The following COL21A1 variants were observed in gnomAD, a reference collection of about 807,000 sequenced individuals.
The protein encoded by COL21A1 is collagen type XXI alpha 1 chain, also known as collagen alpha-1(XXI) chain.
In COL21A1, 149 loss-of-function variants were observed where a neutral mutation model predicts 137.9. That is an observed-to-expected ratio of 1.08 (90% CI 0.95 to 1.24). COL21A1 has a LOEUF of 1.24. Among genes scored for constraint, COL21A1 ranks in the 50% most tolerant of loss-of-function variants. The pLI, the probability that COL21A1 is intolerant of heterozygous loss-of-function variation, is 0.00. For missense variants in COL21A1, 1,167 were observed against 1,158.4 expected (o/e 1.01, Z -0.11); for synonymous variants, 456 against 391.5 (o/e 1.16, Z -1.95).
intron 17 of COL21A1, among the ~76,000 whole-genome samples, chr6:56,096,703 T>C (rs1455938756): frequency 6.6e-6 from 1 of 152,158 alleles, no homozygotes; most frequent in Non-Finnish European, 1.5e-5. Flanking sequence ...TGAATCACCA[T>C]TAAACTGACA....
intron 22 of COL21A1, 29 bp from the exon 23 acceptor site, chr6:56,067,359 T>C: frequency 6.3e-7 from 1 of 1,581,302 alleles, no homozygotes; most frequent in Non-Finnish European, 8.7e-7. Flanking sequence ...ATCTGTATCA[T>C]AATCTAGCAT....
intron 1 of COL21A1, among the ~76,000 whole-genome samples, chr6:56,393,017 C>T (rs1475701732): frequency 7.3e-6 from 1 of 136,068 alleles, no homozygotes; most frequent in African/African-American, 2.8e-5. Flanking sequence ...TATGACACCA[C>T]AAAAGACCCA....
At chr6:56,342,625 A>G (rs1486689540) in intron 1 of COL21A1, among the ~76,000 whole-genome samples, 2 of 152,176 alleles carry the variant, frequency 1.3e-5, no homozygotes, top group Non-Finnish European at 2.9e-5. Flanking sequence ...CATTTTTCAG[A>G]TGAGAAACAC....
chr6:56,294,575 C>T lies in COL21A1; in HGVS notation c.-39+99396G>A, dbSNP rs574532188. 3.9e-5 allele frequency among the ~76,000 whole-genome samples: 6 copies of T among 152,116 alleles called. No homozygotes were observed. In the South Asian group the frequency reaches 8.3e-4, roughly 21 times the overall value. ...TGTTACAACTGATGCACTACTGATA[C>T]GGCAATACTAACGATAGCCCATAAT... is the stretch of plus-strand genomic sequence containing the variant. On this transcript the variant is annotated intron_variant, in intron 1 of 28. Transcript: ENST00000370819.
chr6:56,216,396 A>G (rs1344570233), intron 1 of COL21A1, among the ~76,000 whole-genome samples: 1 of 152,088 alleles, frequency 6.6e-6, no homozygotes, highest in African/African-American at 2.4e-5. Flanking sequence ...ACAACCAAAT[A>G]TACAAACAGC....
chr6:56,124,812 T>C (rs1772882281), intron 14 of COL21A1, among the ~76,000 whole-genome samples: 1 of 151,428 alleles, frequency 6.6e-6, no homozygotes, highest in Non-Finnish European at 1.5e-5. Flanking sequence ...TGGCTAATTT[T>C]GTTTTTGTAT....
At chr6:56,261,184 T>G (rs1763264511) in intron 1 of COL21A1, among the ~76,000 whole-genome samples, 1 of 152,060 alleles carries the variant, frequency 6.6e-6, no homozygotes. Context: ...TCTGCTTTGG[T>G]CATCCTGGCA....
At chr6:56,216,759 C>A (rs748337246) in intron 1 of COL21A1, among the ~76,000 whole-genome samples, 1 of 152,060 alleles carries the variant, frequency 6.6e-6, no homozygotes, top group Non-Finnish European at 1.5e-5. Context: ...GCCAAAACTT[C>A]TTAACACATG....
chr6:56,316,625 G>C (rs1188493189), intron 1 of COL21A1, among the ~76,000 whole-genome samples: 1 of 151,424 alleles, frequency 6.6e-6, no homozygotes, highest in African/African-American at 2.4e-5. Context: ...GGGAGTACAG[G>C]CATGTGCCAC....
intron 1 of COL21A1, among the ~76,000 whole-genome samples, chr6:56,195,842 A>G (rs916384693): frequency 3.3e-5 from 5 of 152,096 alleles, no homozygotes; most frequent in African/African-American, 9.7e-5. Flanking sequence ...CTCTTCCAAA[A>G]AATTAAAGAA....
At chr6:56,265,762 G>A (rs1763377123) in intron 1 of COL21A1, among the ~76,000 whole-genome samples, 1 of 151,950 alleles carries the variant, frequency 6.6e-6, no homozygotes, top group South Asian at 2.1e-4. Flanking sequence ...TTTGGGGGAG[G>A]ATTTAACACT....
chr6:56,340,790 T>C lies in COL21A1; in HGVS notation c.-39+53181A>G, dbSNP rs138766136. ...ATTAGTTAATATCCACAAGTGATTT[T>C]AGATTGGGTTGGATTCCAGTCTAAA... On this transcript the variant is annotated intron_variant, in intron 1 of 28. Transcript: ENST00000370819. 1.8e-3 allele frequency among the ~76,000 whole-genome samples: 277 copies of C among 152,376 alleles called. 3 individuals are homozygous for C. Among genetic ancestry groups the C allele is most frequent in the Non-Finnish European group, 3.7e-4 (25 of 68,042 alleles).
intron 1 of COL21A1, among the ~76,000 whole-genome samples, chr6:56,218,397 A>G (rs1444662024): frequency 6.6e-6 from 1 of 152,094 alleles, no homozygotes. Context: ...TAAAATCAAA[A>G]GGTGCTCTTT....
rs1481214114 is a variant in COL21A1, at chr6:56,371,625, A to G, written c.-39+22346T>C. On this transcript the variant is annotated intron_variant, in intron 1 of 28. Transcript: ENST00000370819. ...TGAGTAGAGGGGCCCATCCTCATAA[A>G]TCCAAGAAGTGCCAGAGACATGCAG... Among the ~76,000 whole-genome samples, 6 of 152,110 alleles carry G rather than the reference A, an allele frequency of 3.9e-5. No homozygotes were observed. In the South Asian group the frequency reaches 1.0e-3, roughly 26 times the overall value.
rs189031305 is a variant in COL21A1, at chr6:56,106,953, A to T, written c.1759-5428T>A. On this transcript the variant is annotated intron_variant, in intron 16 of 29. Coordinates refer to ENST00000244728, the MANE Select transcript of COL21A1 (RefSeq NM_030820.4). ...AGGCGCCCGCCACCACGCCCGGCTAATTTTTTTGTATTTTTAGTAGAGACG... is the reference window on the plus strand; with the variant it reads ...AGGCGCCCGCCACCACGCCCGGCTATTTTTTTTGTATTTTTAGTAGAGACG... 5.4e-3 allele frequency among the ~76,000 whole-genome samples: 823 copies of T among 151,978 alleles called. 7 individuals carry two copies. Among genetic ancestry groups the T allele is most frequent in the African/African-American group, 0.019 (791 of 41,492 alleles).
At chr6:56,202,014 C>A (rs1779441596) in intron 1 of COL21A1, among the ~76,000 whole-genome samples, 1 of 151,844 alleles carries the variant, frequency 6.6e-6, no homozygotes, top group Non-Finnish European at 1.5e-5. Context: ...AATAATAATC[C>A]ATTTCCAATT....
chr6:56,061,928 A>T (rs965202687), intron 24 of COL21A1, among the ~76,000 whole-genome samples: 2 of 152,124 alleles, frequency 1.3e-5, no homozygotes, highest in African/African-American at 4.8e-5. Context: ...GAATATTTTC[A>T]AATGCTGCAG....
At chr6:56,253,339 G>C (rs746582643) in intron 1 of COL21A1, among the ~76,000 whole-genome samples, 18 of 151,288 alleles carry the variant, frequency 1.2e-4, no homozygotes, top group Non-Finnish European at 2.2e-4. Context: ...GTCCACATGG[G>C]ACTGGTTTAC....
intron 16 of COL21A1, among the ~76,000 whole-genome samples, chr6:56,115,275 C>A (rs1348673693): frequency 1.4e-5 from 2 of 147,580 alleles, no homozygotes; most frequent in African/African-American, 5.0e-5. Context: ...GCACATGTAC[C>A]CTAAAACTTA....
Sources: allele counts gnomAD v4.1 joint callset (sites outside exome capture counted in the v4.1 genomes callset), GRCh38; gene constraint gnomAD v4.1.1; transcripts MANE v1.5; gene names NCBI Gene and HGNC (gene_info 2026-07-23, HGNC 2026-07-21).